The following TRPC4AP variants were observed in gnomAD, a reference collection of about 807,000 sequenced individuals.
TRPC4AP encodes short transient receptor potential channel 4-associated protein.
In TRPC4AP, 45 loss-of-function variants were observed where a neutral mutation model predicts 99.0. The ratio of observed to expected loss-of-function variants is 0.45; its 90% confidence interval spans 0.36 to 0.58. TRPC4AP has a LOEUF of 0.58. TRPC4AP is among the 20% of genes least tolerant of loss of function. TRPC4AP has a pLI of 0.00. For synonymous variants in TRPC4AP, 408 were observed against 385.8 expected, an observed-to-expected ratio of 1.06 and a Z score of -0.67; for missense variants, 879 against 985.3, an observed-to-expected ratio of 0.89 and a Z score of 1.44.
At chr20:35,067,232 C>T (rs988228342) in intron 3 of TRPC4AP, among the ~76,000 whole-genome samples, 6 of 152,224 alleles carry the variant, frequency 3.9e-5, no homozygotes, top group Non-Finnish European at 8.8e-5. Context: ...TGCTTGTAAT[C>T]CCAGCACTTT....
At chr20:35,082,335 T>C (rs1293588932) in intron 1 of TRPC4AP, among the ~76,000 whole-genome samples, 1 of 152,070 alleles carries the variant, frequency 6.6e-6, no homozygotes, top group African/African-American at 2.4e-5. Flanking sequence ...AATAGAACAT[T>C]TGCAAAATGA....
In TRPC4AP at chr20:35,055,137, G is replaced by T. The variant is rs138519018; in HGVS notation, c.473-106C>A. 3.4e-4 allele frequency: 331 copies of T among 979,944 alleles called. No homozygotes were observed. In the East Asian group the frequency reaches 6.5e-3, roughly 19 times the overall value. 60.7% of individuals were successfully genotyped at this position (979,944 alleles called of 1,614,324 possible). ...GAACTGTTATAATCCCCTCCAAGATGATTATTTTTCCTTTAATATACTTCT... is the reference window on the plus strand; with the variant it reads ...GAACTGTTATAATCCCCTCCAAGATTATTATTTTTCCTTTAATATACTTCT... On this transcript the variant is annotated intron_variant, in intron 4 of 18. Transcript: ENST00000252015.
chr20:35,062,901 A>C (rs1255885297), intron 3 of TRPC4AP, among the ~76,000 whole-genome samples: 1 of 152,240 alleles, frequency 6.6e-6, no homozygotes. Context: ...AAAACACCTC[A>C]TGCTCAGTTA....
In TRPC4AP at chr20:35,011,406, G is replaced by C. The variant is rs190202957; in HGVS notation, c.1410-1118C>G. On this transcript the variant is annotated intron_variant, in intron 11 of 18. Transcript: ENST00000252015. ...GGCAACACGGCAGGCACAGCACAGA[G>C]TACTGGTTGTCTACCTTGGTGATCG... 8.6e-4 allele frequency among the ~76,000 whole-genome samples: 131 copies of C among 152,334 alleles called. 3 individuals are homozygous for C. The highest frequency in any genetic ancestry group is 1.8e-4 in the Non-Finnish European group (12 of 68,026).
intron 7 of TRPC4AP, among the ~76,000 whole-genome samples, chr20:35,035,882 G>C (rs1173917180): frequency 6.6e-6 from 1 of 152,096 alleles, no homozygotes; most frequent in African/African-American, 2.4e-5. Flanking sequence ...TTAAATATTT[G>C]CTTCTTCAAA....
chr20:35,039,332 T>C lies in TRPC4AP; in HGVS notation c.866-4024A>G, dbSNP rs1220441281. ...CTTCCCACCTGAGATTCTTGAGCTG[T>C]TGTGAGTCACTCACCTCTTGAAAAG... is the stretch of plus-strand genomic sequence containing the variant. On this transcript the variant is annotated intron_variant, in intron 7 of 18. Coordinates refer to ENST00000252015, the MANE Select transcript of TRPC4AP (RefSeq NM_015638.3). 3.3e-5 allele frequency among the ~76,000 whole-genome samples: 5 copies of C among 152,336 alleles called. No individual in the cohort carries two copies. In the East Asian group the frequency reaches 5.8e-4, roughly 18 times the overall value.
intron 2 of TRPC4AP, among the ~76,000 whole-genome samples, chr20:35,072,343 T>C (rs2084343069): frequency 3.9e-5 from 6 of 152,242 alleles, no homozygotes. Context: ...GTTTTAGTCA[T>C]GAAGTCCTTG....
At chr20:35,015,621 C>G (rs2082736849) in intron 10 of TRPC4AP, among the ~76,000 whole-genome samples, 1 of 151,872 alleles carries the variant, frequency 6.6e-6, no homozygotes, top group Non-Finnish European at 1.5e-5. Context: ...CAACACCATA[C>G]CTGGCCAATT....
Position 35,021,191 on chromosome 20 carries a change from TGGTTTC to T in TRPC4AP, c.1211_1216del (p.Arg404_Asn405del). On this transcript the variant is annotated inframe_deletion and splice_region_variant, in exon 9 of 19. Transcript: ENST00000252015. ...CTGAGACGCTGGAGAGGGGCCCACC[TGGTTTC>T]GCTGACGCCCCATCAGCAGCACGCA... The T allele has an allele frequency of 6.2e-7, 1 of 1,610,548 alleles. No homozygotes were observed. The highest frequency in any genetic ancestry group is 8.5e-7 in the Non-Finnish European group (1 of 1,177,414).
chr20:35,068,063 T>C (rs1275114054), intron 3 of TRPC4AP, among the ~76,000 whole-genome samples: 1 of 152,202 alleles, frequency 6.6e-6, no homozygotes, highest in Non-Finnish European at 1.5e-5. Flanking sequence ...AAATATCACT[T>C]TTCTCATAAC....
intron 1 of TRPC4AP, among the ~76,000 whole-genome samples, chr20:35,086,120 A>G (rs2062770294): frequency 1.4e-5 from 2 of 144,370 alleles, no homozygotes; most frequent in East Asian, 2.2e-4. Context: ...CCACGCCCGG[A>G]TAATTTTTTG....
chr20:35,085,755 C>T (rs980898901), intron 1 of TRPC4AP, among the ~76,000 whole-genome samples: 19 of 152,092 alleles, frequency 1.2e-4, no homozygotes, highest in African/African-American at 3.9e-4. Context: ...TGTGGTTTAA[C>T]AGTTTACAGC....
At chr20:35,073,218 C>T (rs527472238) in intron 2 of TRPC4AP, among the ~76,000 whole-genome samples, 46 of 152,312 alleles carry the variant, frequency 3.0e-4, no homozygotes, top group African/African-American at 1.1e-3. Context: ...ATGTCATCTG[C>T]AAACAGGGAC....
rs1328443021 is a variant in TRPC4AP at position 35,069,415 on chromosome 20, AGTTTTTTT to A, written c.298-11_298-4del. 1 of 1,579,236 alleles carries A rather than the reference AGTTTTTTT, an allele frequency of 6.3e-7. No homozygotes were observed. Among genetic ancestry groups the A allele is most frequent in the Non-Finnish European group, 8.7e-7 (1 of 1,151,536 alleles). ...ATGGAGAGAAGAGGAGAAATTTCCT[AGTTTTTTT>A]AAAAAAAAGTACATACATTGTTTTA... On this transcript the variant is annotated splice_polypyrimidine_tract_variant and splice_region_variant and intron_variant, in intron 2 of 18. Coordinates refer to ENST00000252015, the MANE Select transcript of TRPC4AP (RefSeq NM_015638.3).
At chr20:35,028,211 C>CTG (rs2083076665) in intron 8 of TRPC4AP, among the ~76,000 whole-genome samples, 1 of 147,068 alleles carries the variant, frequency 6.8e-6, no homozygotes, top group South Asian at 2.1e-4. Context: ...AAAATATTTC[C>CTG]TTTTTTTTTT....
intron 2 of TRPC4AP, among the ~76,000 whole-genome samples, chr20:35,077,250 T>A (rs968666088): frequency 6.6e-6 from 1 of 151,994 alleles, no homozygotes; most frequent in South Asian, 2.1e-4. Flanking sequence ...CAGCTCACAC[T>A]CCGTGGACTG....
chr20:35,035,977 A>C (rs1040789397), intron 7 of TRPC4AP, among the ~76,000 whole-genome samples: 3 of 152,230 alleles, frequency 2.0e-5, no homozygotes, highest in African/African-American at 7.2e-5. Flanking sequence ...TTCTCTTAAA[A>C]TTACTCATCT....
rs78119421 is a variant in TRPC4AP at position 35,055,108 on chromosome 20, A to G, written c.473-77T>C. On this transcript the variant is annotated intron_variant, in intron 4 of 18. Transcript: ENST00000252015. ...CAACAGTTACCACATTTTTTTCAGC[A>G]TAAGAACTGTTATAATCCCCTCCAA... The G allele has an allele frequency of 8.6e-4, 1,120 of 1,301,092 alleles. 5 individuals carry two copies. In the African/African-American group the frequency reaches 0.015, roughly 17 times the overall value. The allele number at this position is 1,301,092 out of a possible 1,614,324, so 80.6% of individuals were successfully genotyped here.
At chr20:35,087,787 G>C (rs548307701) in intron 1 of TRPC4AP, among the ~76,000 whole-genome samples, 1 of 152,280 alleles carries the variant, frequency 6.6e-6, no homozygotes, top group East Asian at 1.9e-4. Flanking sequence ...TTATTGCCTT[G>C]ACAGAGGGCA....
Sources: gnomAD v4.1 joint callset for allele counts (sites outside exome capture counted in the v4.1 genomes callset) on GRCh38, gnomAD v4.1.1 for gene constraint, MANE v1.5 for transcripts, NCBI Gene and HGNC (gene_info 2026-07-23, HGNC 2026-07-21) for gene names.